HSD17B4: variants seen among roughly 807,000 people sequenced by gnomAD.
The protein encoded by HSD17B4 is peroxisomal multifunctional enzyme type 2.
A neutral mutation model predicts 101.0 loss-of-function variants in HSD17B4; 70 were observed. The observed-to-expected ratio is 0.69, with a 90% CI of 0.57 to 0.85. The LOEUF (loss-of-function observed/expected upper bound fraction) is 0.85, where lower values mean the gene tolerates loss of function less well. Among genes scored for constraint, HSD17B4 ranks in the 40% least tolerant of loss-of-function variants. The probability of loss-of-function intolerance (pLI) is 0.00; values close to 1 mark genes in which losing one functional copy is unlikely to be tolerated. For missense variants in HSD17B4, 984 were observed against 892.4 expected (o/e 1.10, Z -1.31); for synonymous variants, 347 against 297.1 (o/e 1.17, Z -1.73).
At chr5:119,501,996 G>A in intron 13 of HSD17B4, 45 bp from the exon 14 acceptor site, 2 of 1,200,762 alleles carry the variant, frequency 1.7e-6, no homozygotes, top group South Asian at 1.2e-5. Flanking sequence ...CAGAACCTGT[G>A]GAGCAAGAAA....
intron 17 of HSD17B4, among the ~76,000 whole-genome samples, chr5:119,524,418 G>A (rs1022069421): frequency 6.6e-6 from 1 of 152,114 alleles, no homozygotes; most frequent in East Asian, 1.9e-4. Flanking sequence ...TTGGAAAACA[G>A]CACAGCAATT....
intron 8 of HSD17B4, among the ~76,000 whole-genome samples, chr5:119,486,843 A>G (rs1015095341): frequency 2.0e-5 from 3 of 152,162 alleles, no homozygotes; most frequent in South Asian, 2.1e-4. Flanking sequence ...TCTTTATAAT[A>G]TATTTTAAAT....
chr5:119,525,565 C>T (rs1192043147), intron 18 of HSD17B4, among the ~76,000 whole-genome samples: 1 of 152,016 alleles, frequency 6.6e-6, no homozygotes, highest in East Asian at 1.9e-4. Flanking sequence ...AGGACAAGGT[C>T]ATTGGAGAGA....
intron 13 of HSD17B4, among the ~76,000 whole-genome samples, chr5:119,501,034 T>A (rs1751111092): frequency 6.6e-6 from 1 of 152,232 alleles, no homozygotes; most frequent in South Asian, 2.1e-4. Flanking sequence ...TATTAGAGTG[T>A]TTCATGAAGT....
chr5:119,496,524 T>C lies in HSD17B4; in HGVS notation c.869-19T>C, dbSNP rs773720247. 2.4e-6 allele frequency: 3 copies of C among 1,275,178 alleles called. No homozygotes were observed. Among genetic ancestry groups the C allele is most frequent in the Non-Finnish European group, 3.4e-6 (3 of 871,210 alleles). The allele number at this position is 1,275,178 out of a possible 1,614,324, so 79.0% of individuals were successfully genotyped here. On this transcript the variant is annotated intron_variant, in intron 11 of 23. Coordinates refer to ENST00000510025, the MANE Select transcript of HSD17B4 (RefSeq NM_000414.4). ...TTTAACAAAGCTTTATTTTTTTTGT[T>C]TTTCATTTTTCATTTTAGAATCAAC...
intron 15 of HSD17B4, among the ~76,000 whole-genome samples, chr5:119,507,804 A>T (rs558534730): frequency 6.6e-6 from 1 of 151,874 alleles, no homozygotes; most frequent in East Asian, 1.9e-4. Context: ...AAAAATTTGT[A>T]CATTTTATAA....
At chr5:119,483,062 A>T (rs1364855705) in intron 8 of HSD17B4, among the ~76,000 whole-genome samples, 1 of 152,054 alleles carries the variant, frequency 6.6e-6, no homozygotes, top group Non-Finnish European at 1.5e-5. Context: ...GCATATTTCA[A>T]AATGGTTTCT....
Position 119,526,175 on chromosome 5 carries a change from CT to C in HSD17B4, c.1680+157del, listed in dbSNP as rs1753577706. 34 of 641,494 alleles carry C rather than the reference CT, an allele frequency of 5.3e-5. 2 individuals are homozygous for C. The South Asian group carries it at 5.8e-4, about 11-fold the overall frequency. 39.7% of individuals were successfully genotyped at this position (641,494 alleles called of 1,614,324 possible). ...ATTGACCTGGCAATCAGCACACTTT[CT>C]TTTTGTAGCTATAAATAGCTCTGTT... On this transcript the variant is annotated intron_variant, in intron 19 of 23. Coordinates refer to ENST00000510025, the MANE Select transcript of HSD17B4 (RefSeq NM_000414.4).
chr5:119,461,721 C>CAAAAAA (rs545291977), intron 2 of HSD17B4, among the ~76,000 whole-genome samples: 1 of 74,902 alleles, frequency 1.3e-5, no homozygotes, highest in East Asian at 4.5e-4. Flanking sequence ...CTGTCTTTGC[C>CAAAAAA]AAAAAAAAAA....
At position 119,456,450 on chromosome 5, in the gene HSD17B4, A is replaced by G; in HGVS notation, c.112+82A>G. The G allele has an allele frequency of 1.0e-5, 10 of 955,028 alleles. No homozygotes were observed. In the South Asian group the frequency reaches 1.2e-4, roughly 12 times the overall value. The allele number at this position is 955,028 out of a possible 1,614,324, so 59.2% of individuals were successfully genotyped here. ...ACAAGCTATCTTTGTCTTTCTATCA[A>G]ATAATTTGTCAAGGTTGAATTTTAT... On this transcript the variant is annotated intron_variant, in intron 2 of 23. Coordinates refer to ENST00000510025, the MANE Select transcript of HSD17B4 (RefSeq NM_000414.4).
At chr5:119,490,653 C>T (rs1229309142) in intron 9 of HSD17B4, among the ~76,000 whole-genome samples, 1 of 152,066 alleles carries the variant, frequency 6.6e-6, no homozygotes, top group Admixed American at 6.6e-5. Context: ...ACTGCAACCT[C>T]CGCCTCCCGG....
chr5:119,455,496 G>A (rs1167777002), intron 1 of HSD17B4, among the ~76,000 whole-genome samples: 2 of 150,888 alleles, frequency 1.3e-5, no homozygotes, highest in East Asian at 2.0e-4. Context: ...CAGCCTGGGC[G>A]ACAGAGTGAG....
At chr5:119,454,350 G>T (rs1055759263) in intron 1 of HSD17B4, among the ~76,000 whole-genome samples, 1 of 151,170 alleles carries the variant, frequency 6.6e-6, no homozygotes, top group South Asian at 2.1e-4. Flanking sequence ...TCTGTACCCA[G>T]GCTGGAGTGC....
At position 119,476,373 on chromosome 5, in the gene HSD17B4, T is replaced by C. The variant is rs3756510; in HGVS notation, c.349+503T>C. 1.4e-3 allele frequency: 219 copies of C among 160,664 alleles called. 4 individuals carry two copies. The East Asian group carries it at 0.027, about 20-fold the overall frequency. The allele number at this position is 160,664 out of a possible 1,614,324, so 10.0% of individuals were successfully genotyped here. The stretch of plus-strand genomic sequence containing the variant: ...CTTTCTGAATTGGAAAGATTGAGTT[T>C]AGATAATGAACAAATCACAGTTAAG... On this transcript the variant is annotated intron_variant, in intron 6 of 23. Transcript: ENST00000510025.
intron 17 of HSD17B4, among the ~76,000 whole-genome samples, chr5:119,520,449 C>T (rs1203400083): frequency 1.3e-5 from 2 of 152,112 alleles, no homozygotes; most frequent in Admixed American, 6.5e-5. Flanking sequence ...GTGTAACTTC[C>T]TCCTCTTCAG....
At chr5:119,488,110 T>G (rs77760986) in intron 8 of HSD17B4, among the ~76,000 whole-genome samples, 7,471 of 152,244 alleles carry the variant, frequency 0.049, 610 homozygotes, top group East Asian at 0.42. Flanking sequence ...TAGATAAAAT[T>G]GTATGATTTG....
Position 119,534,360 on chromosome 5 carries a change from C to G in HSD17B4, c.1994-2063C>G, listed in dbSNP as rs1386318202. Among the ~76,000 whole-genome samples the G allele has an allele frequency of 6.8e-5, 10 of 147,660 alleles. 1 individual carries two copies. ...TAAGTCTGCATATCTGGACTAAATC[C>G]AAGCCTCCATTATGTACTATATATG... On this transcript the variant is annotated intron_variant, in intron 22 of 23. Coordinates refer to ENST00000510025, the MANE Select transcript of HSD17B4 (RefSeq NM_000414.4).
intron 2 of HSD17B4, among the ~76,000 whole-genome samples, chr5:119,470,821 G>T (rs902997421): frequency 6.6e-6 from 1 of 152,208 alleles, no homozygotes; most frequent in Non-Finnish European, 1.5e-5. Context: ...CATCTAACCA[G>T]TATTTTCTAG....
At chr5:119,478,326 C>A (rs1360650153) in intron 7 of HSD17B4, among the ~76,000 whole-genome samples, 1 of 152,024 alleles carries the variant, frequency 6.6e-6, no homozygotes, top group Non-Finnish European at 1.5e-5. Flanking sequence ...GCTTGTGATG[C>A]CTGTTTTTGT....
Sources: gnomAD v4.1 joint callset for allele counts (sites outside exome capture counted in the v4.1 genomes callset) on GRCh38, gnomAD v4.1.1 for gene constraint, MANE v1.5 for transcripts, NCBI Gene and HGNC (gene_info 2026-07-23, HGNC 2026-07-21) for gene names.